EDA2R: variants seen among roughly 807,000 people sequenced by gnomAD.
EDA2R encodes the protein tumor necrosis factor receptor superfamily member 27.
Under a neutral mutation model 20.1 loss-of-function variants are expected in EDA2R, and 26 were observed. The observed-to-expected ratio is 1.30, with a 90% CI of 0.95 to 1.80. The LOEUF (loss-of-function observed/expected upper bound fraction) is 1.80, where lower values mean the gene tolerates loss of function less well. EDA2R is among the 40% of genes most tolerant of loss of function. EDA2R has a pLI of 0.00. For missense variants in EDA2R, 277 were observed against 228.7 expected (o/e 1.21, Z -1.36); for synonymous variants, 114 against 88.7 (o/e 1.29, Z -1.60).
rs960548538 is a variant in EDA2R, at chrX:66,597,024, A to T, written c.*1080T>A. The T allele has an allele frequency of 1.8e-5, 2 of 113,240 alleles. No homozygotes were observed. Among genetic ancestry groups the T allele is most frequent in the African/African-American group, 6.4e-5 (2 of 31,206 alleles). The allele number at this position is 113,240 out of a possible 1,213,427, so 9.3% of individuals were successfully genotyped here. ...ATGTAGTTAATAAAATTCTAAAAGC[A>T]AAAATCTTGCTGTAGACAGCACTCC... is the stretch of plus-strand genomic sequence containing the variant. On this transcript the variant is annotated 3_prime_UTR_variant, in exon 7 of 7. Coordinates refer to ENST00000374719, the MANE Select transcript of EDA2R (RefSeq NM_021783.5).
chrX:66,633,091 G>A (rs1933997331), intron 1 of EDA2R, among the ~76,000 whole-genome samples: 1 of 112,319 alleles, frequency 8.9e-6, no homozygotes, highest in Non-Finnish European at 1.9e-5. Flanking sequence ...TCATTGTACA[G>A]ACAAAATTAA....
chrX:66,607,771 C>T (rs1485367067), intron 2 of EDA2R, among the ~76,000 whole-genome samples: 1 of 111,607 alleles, frequency 9.0e-6, no homozygotes, highest in Non-Finnish European at 1.9e-5. Context: ...TACTTCATTA[C>T]AATACAAAAC....
chrX:66,622,957 C>G lies in EDA2R; in HGVS notation c.-10-6927G>C, dbSNP rs746332277. The stretch of plus-strand genomic sequence containing the variant: ...CCAGCTCTGCCATCAGGAGAATATC[C>G]CTTCCCAATGCTGGAATCAAGTTCT... On this transcript the variant is annotated intron_variant, in intron 1 of 6. Coordinates refer to ENST00000374719, the MANE Select transcript of EDA2R (RefSeq NM_021783.5). Among the ~76,000 whole-genome samples the G allele has an allele frequency of 2.7e-5, 3 of 112,211 alleles. No homozygotes were observed. In the East Asian group the frequency reaches 8.4e-4, roughly 32 times the overall value.
chrX:66,604,222 G>A (rs1929210776), intron 4 of EDA2R, among the ~76,000 whole-genome samples, 199 bp downstream of exon 4: 1 of 111,909 alleles, frequency 8.9e-6, no homozygotes, highest in African/African-American at 3.2e-5. Context: ...TCAGAAGTAG[G>A]AAATGAGGTT....
chrX:66,625,405 C>T (rs1255398129), intron 1 of EDA2R, among the ~76,000 whole-genome samples: 3 of 110,650 alleles, frequency 2.7e-5, no homozygotes, highest in African/African-American at 9.9e-5. Flanking sequence ...TGACCCACTT[C>T]CCTGACCACC....
intron 3 of EDA2R, 72 bp downstream of exon 3, chrX:66,604,976 G>C: frequency 4.4e-6 from 4 of 906,115 alleles, no homozygotes; most frequent in Non-Finnish European, 6.1e-6. Context: ...TAAGTTCTGA[G>C]AGGTGAGGAT....
chrX:66,602,561 A>T, intron 5 of EDA2R, 72 bp downstream of exon 5: 1 of 1,076,663 alleles, frequency 9.3e-7, no homozygotes, highest in Non-Finnish European at 1.2e-6. Flanking sequence ...TCTCAACCCC[A>T]GAACATCCCT....
At chrX:66,600,117 T>C in intron 5 of EDA2R, 1 of 1,117,305 alleles carries the variant, frequency 9.0e-7, no homozygotes, top group Non-Finnish European at 1.2e-6. Context: ...GAAACCTTTG[T>C]GGGAAACAGG....
At chrX:66,634,167 G>A (rs993684938) in intron 1 of EDA2R, among the ~76,000 whole-genome samples, 1 of 112,034 alleles carries the variant, frequency 8.9e-6, no homozygotes, top group Admixed American at 9.4e-5. Flanking sequence ...GAGAACTATA[G>A]AATGAGGCAT....
chrX:66,600,302 G>A (rs1218944904), intron 5 of EDA2R, among the ~76,000 whole-genome samples: 1 of 111,710 alleles, frequency 9.0e-6, no homozygotes, highest in African/African-American at 3.3e-5. Context: ...CCTAAAAGCA[G>A]AAGAGGAAGG....
chrX:66,628,070 C>T (rs150559654), intron 1 of EDA2R, among the ~76,000 whole-genome samples: 11 of 111,335 alleles, frequency 9.9e-5, no homozygotes, highest in Middle Eastern at 4.7e-3. Flanking sequence ...AATTATATAA[C>T]CTGCTCCTGA....
intron 1 of EDA2R, among the ~76,000 whole-genome samples, chrX:66,632,382 C>T (rs1271063295): frequency 4.6e-5 from 5 of 109,887 alleles, no homozygotes; most frequent in African/African-American, 1.7e-4. Flanking sequence ...CGAGATTGTG[C>T]CACTGTACTG....
chrX:66,602,713 A>G lies in EDA2R; in HGVS notation c.437T>C (p.Leu146Pro). 1 of 1,200,557 alleles carries G rather than the reference A, an allele frequency of 8.3e-7. No homozygotes were observed. Residue 146 changes from leucine to proline, a missense_variant, in exon 5 of 7, where the codon CTG becomes CCG. Coordinates refer to ENST00000374719, the MANE Select transcript of EDA2R (RefSeq NM_021783.5). ...GAAGGCCAGGGTAAACACCACTAGC[A>G]GGCTGCTCACCAGTGCAACAAGTGT... ...EATLVALVSS[L>P]LVVFTLAFLG...
rs141887940 is a variant in EDA2R at position 66,631,272 on chromosome X, G to C, written c.-11+7723C>G. On this transcript the variant is annotated intron_variant, in intron 1 of 6. Transcript: ENST00000374719. ...ATAGTGTGCAGTGTATACTGCTCAGGTGATGGATGCACCAAAATCTCACAA... is the reference window on the plus strand; with the variant it reads ...ATAGTGTGCAGTGTATACTGCTCAGCTGATGGATGCACCAAAATCTCACAA... Among the ~76,000 whole-genome samples, 124 of 110,818 alleles carry C rather than the reference G, an allele frequency of 1.1e-3. 1 individual carries two copies. Among genetic ancestry groups the C allele is most frequent in the African/African-American group, 4.0e-3 (123 of 30,488 alleles).
chrX:66,629,639 C>T (rs745583832), intron 1 of EDA2R, among the ~76,000 whole-genome samples: 12 of 111,060 alleles, frequency 1.1e-4, no homozygotes, highest in East Asian at 5.6e-4. Context: ...TAACCATGGA[C>T]GCAAAAAACC....
chrX:66,616,165 A>G (rs748998557), intron 1 of EDA2R, 135 bp from the exon 2 acceptor site: 1 of 458,418 alleles, frequency 2.2e-6, no homozygotes, highest in Non-Finnish European at 3.9e-6. Flanking sequence ...AAGCCAACAC[A>G]AAAGAGTTAA....
At chrX:66,629,021 C>T (rs1162206881) in intron 1 of EDA2R, among the ~76,000 whole-genome samples, 1 of 111,684 alleles carries the variant, frequency 9.0e-6, no homozygotes, top group African/African-American at 3.3e-5. Flanking sequence ...ACCAGGGACG[C>T]AGGGATGGTT....
Position 66,602,636 on chromosome X carries a change from G to T in EDA2R, c.514C>A (p.Arg172Ser). Residue 172 changes from arginine (R) to serine (S), a missense_variant, in exon 5 of 7, where the codon CGT becomes AGT. Transcript: ENST00000374719. Reference sequence around the variant, plus strand: ...AACATGAAACAGCCACCCTTACCACGCTGGCAATGTCTGTTGAAGAACTGC... The same window carrying T: ...AACATGAAACAGCCACCCTTACCACTCTGGCAATGTCTGTTGAAGAACTGC... ...CKQFFNRHCQ[R>S]GGLLQFEADK... The T allele has an allele frequency of 8.4e-7, 1 of 1,193,749 alleles. No homozygotes were observed. The highest frequency in any genetic ancestry group is 3.0e-5 in the East Asian group (1 of 33,057).
In EDA2R at chrX:66,598,061, C is replaced by G; in HGVS notation, c.*43G>C. The stretch of plus-strand genomic sequence containing the variant: ...GTATAGGAACAGAGTCCAGAGAGAA[C>G]AACTGGGCAAGGCTGCCAGGGGCCC... On this transcript the variant is annotated 3_prime_UTR_variant, in exon 7 of 7. Coordinates refer to ENST00000374719, the MANE Select transcript of EDA2R (RefSeq NM_021783.5). 28 of 966,942 alleles carry G rather than the reference C, an allele frequency of 2.9e-5. No individual in the cohort carries two copies. Among genetic ancestry groups the G allele is most frequent in the Non-Finnish European group, 3.7e-5 (28 of 753,216 alleles). The allele number at this position is 966,942 out of a possible 1,213,427, so 79.7% of individuals were successfully genotyped here.
Sources: gnomAD v4.1 joint callset for allele counts (sites outside exome capture counted in the v4.1 genomes callset) on GRCh38, gnomAD v4.1.1 for gene constraint, MANE v1.5 for transcripts, NCBI Gene and HGNC (gene_info 2026-07-23, HGNC 2026-07-21) for gene names.